The following RPS3 variants were observed in gnomAD, a reference collection of about 807,000 sequenced individuals.
The protein encoded by RPS3 is ribosomal protein S3.
A neutral mutation model predicts 25.8 loss-of-function variants in RPS3; 2 were observed. The observed-to-expected ratio is 0.08, with a 90% CI of 0.03 to 0.24. The LOEUF is 0.24. RPS3 is among the 10% of genes least tolerant of loss of function. The probability of loss-of-function intolerance (pLI) is 1.00; values close to 1 mark genes in which losing one functional copy is unlikely to be tolerated. For missense variants in RPS3, 107 were observed against 307.1 expected (o/e 0.35, Z 4.87); for synonymous variants, 114 against 114.2 (o/e 1.00, Z 0.01).
At chr11:75,401,827 C>G (rs1948214076) in intron 3 of RPS3, 94 bp downstream of exon 3, 1 of 766,584 alleles carries the variant, frequency 1.3e-6, no homozygotes, top group Non-Finnish European at 2.3e-6. Flanking sequence ...TTGTTCATTA[C>G]AAATGGACTG....
At chr11:75,417,127 T>C (rs1948405928) in intron 6 of RPS3, among the ~76,000 whole-genome samples, 1 of 152,212 alleles carries the variant, frequency 6.6e-6, no homozygotes, top group Non-Finnish European at 1.5e-5. Flanking sequence ...TTTTACAAGT[T>C]TAATCCATAC....
At chr11:75,407,882 C>T (rs937391797), downstream of RPS3, among the ~76,000 whole-genome samples, 4 of 152,130 alleles carry the variant, frequency 2.6e-5, no homozygotes, top group African/African-American at 4.8e-5. Flanking sequence ...GAAGTTCAGC[C>T]GGTGGGAGAA....
chr11:75,408,220 T>C (rs959552213), downstream of RPS3, among the ~76,000 whole-genome samples: 1 of 152,162 alleles, frequency 6.6e-6, no homozygotes, highest in African/African-American at 2.4e-5. Context: ...TGCCAAAATA[T>C]GTCCAGCTGT....
downstream of RPS3, among the ~76,000 whole-genome samples, chr11:75,410,012 C>T (rs1426480008): frequency 8.7e-5 from 12 of 137,346 alleles, no homozygotes; most frequent in Admixed American, 1.4e-4. Flanking sequence ...CCAGTAGGGG[C>T]GGCCGGGCAG....
In RPS3 at chr11:75,420,315, A is replaced by G. The variant is rs11236424; in HGVS notation, c.*4-1412A>G. On this transcript the variant is annotated intron_variant, in intron 6 of 6. Coordinates refer to the RPS3 transcript ENST00000527446. The stretch of plus-strand genomic sequence containing the variant: ...TGTTTGTGAACCTCTCTTATCAGGG[A>G]CAAGAACCATGTGTCCATCTAGCTG... 5.1e-3 allele frequency among the ~76,000 whole-genome samples: 782 copies of G among 152,328 alleles called. 6 individuals carry two copies. The highest frequency in any genetic ancestry group is 0.018 in the African/African-American group (734 of 41,574).
At chr11:75,410,958 G>A (rs1206324795), downstream of RPS3, among the ~76,000 whole-genome samples, 1 of 152,162 alleles carries the variant, frequency 6.6e-6, no homozygotes, top group African/African-American at 2.4e-5. Context: ...CTCACTGCAA[G>A]CTCCGCCTCC....
At chr11:75,415,608 C>T (rs941965704) in intron 6 of RPS3, among the ~76,000 whole-genome samples, 1 of 151,956 alleles carries the variant, frequency 6.6e-6, no homozygotes, top group Non-Finnish European at 1.5e-5. Flanking sequence ...GAGTTCAAGA[C>T]CAGCCTGGCC....
At chr11:75,410,665 G>T (rs1422477657), downstream of RPS3, among the ~76,000 whole-genome samples, 1 of 152,254 alleles carries the variant, frequency 6.6e-6, no homozygotes, top group African/African-American at 2.4e-5. Context: ...AGCGAGCCGA[G>T]ATCACGCCAC....
In RPS3 at chr11:75,406,091, C is replaced by T. The variant is rs1270541205; in HGVS notation, c.*481C>T. The stretch of plus-strand genomic sequence containing the variant: ...GGAAATTTGCTTGCACCACTGAAGG[C>T]ACATAAGGCTCAGAAGTAAATTTGC... On this transcript the variant is annotated 3_prime_UTR_variant, in exon 7 of 7. Transcript: ENST00000531188. The T allele has an allele frequency of 1.3e-5, 2 of 154,212 alleles. No homozygotes were observed. Among genetic ancestry groups the T allele is most frequent in the Non-Finnish European group, 2.9e-5 (2 of 69,436 alleles). 9.6% of individuals were successfully genotyped at this position (154,212 alleles called of 1,614,324 possible). A position where few individuals can be genotyped will look rare whatever the true frequency, so the allele number is the denominator to read the frequency against.
intron 1 of RPS3, among the ~76,000 whole-genome samples, chr11:75,400,159 C>T (rs146732757): frequency 6.4e-4 from 98 of 152,284 alleles, no homozygotes; most frequent in African/African-American, 2.2e-3. Context: ...AAATTAAATC[C>T]ACAACTTCTC....
chr11:75,401,489 CAA>C (rs111445702), intron 2 of RPS3, 149 bp from the exon 3 acceptor site: 15 of 493,154 alleles, frequency 3.0e-5, no homozygotes, highest in Middle Eastern at 1.1e-3. Flanking sequence ...GACCCTGTCT[CAA>C]AAAAAAAAGC....
chr11:75,401,973 T>C, intron 3 of RPS3: 1 of 559,754 alleles, frequency 1.8e-6, no homozygotes, highest in Non-Finnish European at 3.2e-6. Context: ...ACTGTCCCCA[T>C]TGGTGTACTT....
Position 75,406,184 on chromosome 11 carries a change from C to G in RPS3, c.*574C>G, listed in dbSNP as rs1434737102. On this transcript the variant is annotated 3_prime_UTR_variant, in exon 7 of 7. Transcript: ENST00000531188. ...TGTGTTCTCTTAGGGGATCATGGAA[C>G]CAGTCATTGGTACTACAGGCTATTA... is the stretch of plus-strand genomic sequence containing the variant. 6.6e-6 allele frequency: 1 copy of G among 152,266 alleles called. No individual in the cohort carries two copies. Among genetic ancestry groups the G allele is most frequent in the Non-Finnish European group, 1.5e-5 (1 of 68,104 alleles). The allele number at this position is 152,266 out of a possible 1,614,324, so 9.4% of individuals were successfully genotyped here. A position where few individuals can be genotyped will look rare whatever the true frequency, so the allele number is the denominator to read the frequency against.
At chr11:75,412,090 G>A (rs1004640656) in intron 6 of RPS3, among the ~76,000 whole-genome samples, 9 of 152,176 alleles carry the variant, frequency 5.9e-5, no homozygotes, top group Non-Finnish European at 1.2e-4. Flanking sequence ...TTGAAGGAAA[G>A]GCCAAACAAG....
intron 6 of RPS3, among the ~76,000 whole-genome samples, chr11:75,414,337 TG>T (rs1298682603): frequency 1.3e-5 from 2 of 152,112 alleles, no homozygotes; most frequent in Non-Finnish European, 2.9e-5. Context: ...GTCGGCCGGG[TG>T]CCGTGGCTCA....
rs745637925 is a variant in RPS3 at position 75,399,542 on chromosome 11, G to C, written c.-6G>C. 1.2e-6 allele frequency: 2 copies of C among 1,613,942 alleles called. No individual in the cohort carries two copies. Among genetic ancestry groups the C allele is most frequent in the Non-Finnish European group, 1.7e-6 (2 of 1,179,942 alleles). On this transcript the variant is annotated 5_prime_UTR_variant, in exon 1 of 7. Coordinates refer to ENST00000531188, the MANE Select transcript of RPS3 (RefSeq NM_001005.5). ...TCCTTTCCTTTCAGCGGAGCGCGGC[G>C]GCAAGATGGCAGTGCAAATATCCAA... is the stretch of plus-strand genomic sequence containing the variant.
At chr11:75,409,140 T>G (rs1049770797), downstream of RPS3, among the ~76,000 whole-genome samples, 1 of 151,826 alleles carries the variant, frequency 6.6e-6, no homozygotes, top group Non-Finnish European at 1.5e-5. Flanking sequence ...TGCCACCATC[T>G]CTGACTAATT....
chr11:75,416,821 C>T (rs1948403211), intron 6 of RPS3, among the ~76,000 whole-genome samples: 1 of 152,200 alleles, frequency 6.6e-6, no homozygotes, highest in Non-Finnish European at 1.5e-5. Flanking sequence ...CTGCCAGCAT[C>T]AGAGCTGGAA....
chr11:75,419,716 T>A (rs544597180), intron 6 of RPS3, among the ~76,000 whole-genome samples: 210 of 152,180 alleles, frequency 1.4e-3, no homozygotes, highest in Non-Finnish European at 2.3e-3. Context: ...TCACTGCAAC[T>A]TCCACCTCCC....
Sources: allele counts gnomAD v4.1 joint callset (sites outside exome capture counted in the v4.1 genomes callset), GRCh38; gene constraint gnomAD v4.1.1; transcripts MANE v1.5; gene names NCBI Gene and HGNC (gene_info 2026-07-23, HGNC 2026-07-21).